APLP2: variants seen among roughly 807,000 people sequenced by gnomAD.
APLP2 encodes the protein CDEI box-binding protein.
In APLP2, 53 loss-of-function variants were observed where a neutral mutation model predicts 89.9. The ratio of observed to expected loss-of-function variants is 0.59; its 90% CI spans 0.47 to 0.74. The LOEUF (loss-of-function observed/expected upper bound fraction) is 0.74. Among genes scored for constraint, APLP2 ranks in the 30% least tolerant of loss-of-function variants. APLP2 has a pLI of 0.00. For synonymous variants in APLP2, 372 were observed against 348.6 expected (o/e 1.07, Z -0.75); for missense variants, 973 against 975.9 (o/e 1.00, Z 0.04).
intron 1 of APLP2, among the ~76,000 whole-genome samples, chr11:130,072,132 G>A (rs958353797): frequency 5.3e-5 from 8 of 152,162 alleles, no homozygotes; most frequent in Admixed American, 2.0e-4. Context: ...AAAAGAAAAA[G>A]CTCACCTCTG....
chr11:130,105,697 T>C (rs532169982), intron 1 of APLP2, among the ~76,000 whole-genome samples: 3 of 147,588 alleles, frequency 2.0e-5, no homozygotes, highest in African/African-American at 7.7e-5. Flanking sequence ...TGTCTTTCTG[T>C]CTGCTTTTTT....
intron 1 of APLP2, among the ~76,000 whole-genome samples, chr11:130,104,650 CAT>C (rs1401803119): frequency 3.9e-5 from 6 of 152,148 alleles, no homozygotes; most frequent in Non-Finnish European, 8.8e-5. Context: ...CCTTCCTACA[CAT>C]ATCTTTAGGT....
In APLP2 at chr11:130,099,315, T is replaced by G. The variant is rs548961968; in HGVS notation, c.106-10114T>G. On this transcript the variant is annotated intron_variant, in intron 1 of 16. Coordinates refer to ENST00000338167, the MANE Select transcript of APLP2 (RefSeq NM_001142276.2). ...CATCTGTTATAGTGTGAAAAAAAGT[T>G]AATATTGTAGGTGTCTCATTTAATA... Among the ~76,000 whole-genome samples, 256 of 152,332 alleles carry G rather than the reference T, an allele frequency of 1.7e-3. 1 individual carries two copies. Among genetic ancestry groups the G allele is most frequent in the Middle Eastern group, 0.01 (3 of 294 alleles).
chr11:130,095,265 G>A (rs1459571533), intron 1 of APLP2, among the ~76,000 whole-genome samples: 4 of 152,160 alleles, frequency 2.6e-5, no homozygotes, highest in South Asian at 2.1e-4. Context: ...ACAACTACTC[G>A]GGAGGCTGAG....
intron 3 of APLP2, 48 bp from the exon 4 acceptor site, chr11:130,120,658 C>T (rs757852670): frequency 7.0e-7 from 1 of 1,420,930 alleles, no homozygotes. Flanking sequence ...GGCATTTTCA[C>T]CTTGAAATCA....
intron 1 of APLP2, among the ~76,000 whole-genome samples, chr11:130,076,470 G>A (rs1358989625): frequency 6.6e-6 from 1 of 152,190 alleles, no homozygotes; most frequent in African/African-American, 2.4e-5. Context: ...AAGAAAAGAA[G>A]TTACGGTTCC....
intron 13 of APLP2, among the ~76,000 whole-genome samples, chr11:130,137,005 A>G (rs1951693318): frequency 1.3e-5 from 2 of 152,216 alleles, no homozygotes; most frequent in South Asian, 2.1e-4. Context: ...GGCATCTCCC[A>G]GTTTCCCTAA....
chr11:130,095,614 G>A (rs571051154), intron 1 of APLP2, among the ~76,000 whole-genome samples: 2 of 152,246 alleles, frequency 1.3e-5, no homozygotes, highest in African/African-American at 2.4e-5. Context: ...TGTCCTTCTC[G>A]TGTGAGCTCT....
intron 1 of APLP2, among the ~76,000 whole-genome samples, chr11:130,088,232 A>G (rs1780277746): frequency 6.6e-6 from 1 of 152,254 alleles, no homozygotes; most frequent in African/African-American, 2.4e-5. Flanking sequence ...AAGGAATTTT[A>G]GGACAAGGAA....
Position 130,123,854 on chromosome 11 carries a change from G to GCTGCATCTGTGTGGTGTCC in APLP2, c.1090+80_1090+98dup. 6.5e-7 allele frequency: 1 copy of GCTGCATCTGTGTGGTGTCC among 1,538,288 alleles called. No individual in the cohort carries two copies. Among genetic ancestry groups the GCTGCATCTGTGTGGTGTCC allele is most frequent in the Admixed American group, 1.8e-5 (1 of 56,510 alleles). On this transcript the variant is annotated intron_variant, in intron 7 of 16. Transcript: ENST00000338167. This position sits in a 1 kb window ranked among gnomAD's most constrained non-coding sequence, Gnocchi z 4.0. ...CGTCCGTCTCCCTGCCGTCTTCGTG[G>GCTGCATCTGTGTGGTGTCC]CTGCATCTGTGTGGTGTCCCTGCCC...
intron 1 of APLP2, among the ~76,000 whole-genome samples, chr11:130,099,286 G>A (rs1428116296): frequency 6.6e-6 from 1 of 152,148 alleles, no homozygotes; most frequent in African/African-American, 2.4e-5. Flanking sequence ...GGAAAATAGA[G>A]TTCCATCTGT....
chr11:130,076,160 C>T (rs914020683), intron 1 of APLP2, among the ~76,000 whole-genome samples: 18 of 152,108 alleles, frequency 1.2e-4, no homozygotes, highest in Admixed American at 2.6e-4. Flanking sequence ...CTGCAACTTC[C>T]GCCTCCTGGG....
At chr11:130,074,713 C>A (rs924093214) in intron 1 of APLP2, among the ~76,000 whole-genome samples, 4 of 152,110 alleles carry the variant, frequency 2.6e-5, no homozygotes, top group South Asian at 2.1e-4. Context: ...ATTGTATATA[C>A]CCTTCTGTTA....
chr11:130,108,053 CA>C (rs1182023528), intron 1 of APLP2, among the ~76,000 whole-genome samples: 4 of 152,150 alleles, frequency 2.6e-5, no homozygotes, highest in Non-Finnish European at 5.9e-5. Context: ...ACACCTTATA[CA>C]AAAATTAATT....
At position 130,104,916 on chromosome 11, in the gene APLP2, T is replaced by G. The variant is rs896183058; in HGVS notation, c.106-4513T>G. 3.3e-5 allele frequency among the ~76,000 whole-genome samples: 5 copies of G among 152,224 alleles called. 1 individual carries two copies. In the South Asian group the frequency reaches 1.0e-3, roughly 32 times the overall value. ...CTGTCCAACAAGGGTTGGTGCTTCCTTCTCTTATACTAGTAGAAAGCAGGT... is the reference window on the plus strand; with the variant it reads ...CTGTCCAACAAGGGTTGGTGCTTCCGTCTCTTATACTAGTAGAAAGCAGGT... On this transcript the variant is annotated intron_variant, in intron 1 of 16. Transcript: ENST00000338167.
intron 1 of APLP2, among the ~76,000 whole-genome samples, chr11:130,088,153 A>C (rs1476448521): frequency 1.3e-5 from 2 of 152,212 alleles, no homozygotes; most frequent in Non-Finnish European, 2.9e-5. Flanking sequence ...AGATGGCCCC[A>C]AAATTACCCC....
At chr11:130,125,464 C>T (rs1183646887) in intron 7 of APLP2, among the ~76,000 whole-genome samples, 4 of 152,144 alleles carry the variant, frequency 2.6e-5, no homozygotes, top group Non-Finnish European at 5.9e-5. Flanking sequence ...GTTATCGATT[C>T]TAATTTAGTT....
Position 130,143,252 on chromosome 11 carries a change from T to A in APLP2, c.2155-95T>A. 3.5e-6 allele frequency: 4 copies of A among 1,136,592 alleles called. No individual in the cohort carries two copies. In the South Asian group the frequency reaches 5.0e-5, roughly 14 times the overall value. 70.4% of individuals were successfully genotyped at this position (1,136,592 alleles called of 1,614,324 possible). A position where few individuals can be genotyped will look rare whatever the true frequency, so the allele number is the denominator to read the frequency against. ...ACGGGCTGCTGGCTGCATTTGGTCC[T>A]CAGGGGATTGTGCAGCAAATGGCTC... On this transcript the variant is annotated intron_variant, in intron 16 of 16. Transcript: ENST00000338167.
intron 2 of APLP2, 40 bp downstream of exon 2, chr11:130,109,642 G>A: frequency 6.3e-7 from 1 of 1,579,788 alleles, no homozygotes; most frequent in Non-Finnish European, 8.6e-7. Context: ...TTATTTTTCT[G>A]GGGCAGGGTT....
Sources: gnomAD v4.1 joint callset for allele counts (sites outside exome capture counted in the v4.1 genomes callset) on GRCh38, gnomAD v4.1.1 for gene constraint, Gnocchi (gnomAD v3.1) non-coding constraint, MANE v1.5 for transcripts, NCBI Gene and HGNC (gene_info 2026-07-23, HGNC 2026-07-21) for gene names.